LZTS1: variants seen among roughly 807,000 people sequenced by gnomAD.
LZTS1 encodes the protein leucine zipper putative tumor suppressor 1.
In LZTS1, 31 loss-of-function variants were observed where a neutral mutation model predicts 45.8. The ratio of observed to expected loss-of-function variants is 0.68; its 90% confidence interval spans 0.51 to 0.91. The LOEUF is 0.91. Ranked by LOEUF, LZTS1 falls within the 40% of genes least tolerant of loss-of-function variation. The pLI is 0.00. For synonymous variants in LZTS1, 359 were observed against 357.3 expected, an observed-to-expected ratio of 1.00 and a Z score of -0.05; for missense variants, 821 against 788.9, an observed-to-expected ratio of 1.04 and a Z score of -0.49.
Position 20,254,897 on chromosome 8 carries a change from C to T in LZTS1, c.285G>A (p.Gly95=). ...GGGGTGTGGACGGGTCAAAGTCCACCCCAGCCTGGCCCCCTAAATCCCCGC... is the reference window on the plus strand; with the variant it reads ...GGGGTGTGGACGGGTCAAAGTCCACTCCAGCCTGGCCCCCTAAATCCCCGC... ...LSSGDLGGQA[G]VDFDPSTPPK... The change falls in exon 2 of 4, where the codon GGG becomes GGA. Residue 95 remains glycine (G), a synonymous_variant. Coordinates refer to ENST00000381569, the MANE Select transcript of LZTS1 (RefSeq NM_021020.5). 2.5e-6 allele frequency: 4 copies of T among 1,614,150 alleles called. No individual in the cohort carries two copies. Among genetic ancestry groups the T allele is most frequent in the Non-Finnish European group, 3.4e-6 (4 of 1,180,038 alleles).
chr8:20,261,906 C>T (rs150199768), intron 1 of LZTS1, among the ~76,000 whole-genome samples: 236 of 152,358 alleles, frequency 1.5e-3, no homozygotes, highest in African/African-American at 5.0e-3. Flanking sequence ...TGCCTCCTCC[C>T]TCCCACTCAG....
intron 1 of LZTS1, among the ~76,000 whole-genome samples, chr8:20,257,801 C>A (rs557050480): frequency 6.1e-4 from 93 of 151,962 alleles, no homozygotes; most frequent in African/African-American, 2.1e-3. Context: ...TCCCACATAG[C>A]TGGGATTACA....
chr8:20,291,261 G>T (rs568633810), intron 1 of LZTS1, among the ~76,000 whole-genome samples: 1 of 152,102 alleles, frequency 6.6e-6, no homozygotes, highest in South Asian at 2.1e-4. Context: ...ACAGATAAGA[G>T]GGTAAGGAGG....
chr8:20,301,225 A>G (rs1240439766), intron 1 of LZTS1, among the ~76,000 whole-genome samples: 1 of 152,160 alleles, frequency 6.6e-6, no homozygotes, highest in East Asian at 1.9e-4. Context: ...TCTATGTTCA[A>G]AGGTAGCAGA....
intron 1 of LZTS1, among the ~76,000 whole-genome samples, chr8:20,270,651 G>C (rs1800453636): frequency 2.0e-5 from 3 of 152,128 alleles, no homozygotes; most frequent in Non-Finnish European, 4.4e-5. Context: ...AAAAGGCGCA[G>C]ACTCCTCCAG....
At chr8:20,258,488 A>T (rs1320437806) in intron 1 of LZTS1, among the ~76,000 whole-genome samples, 1 of 152,210 alleles carries the variant, frequency 6.6e-6, no homozygotes, top group Non-Finnish European at 1.5e-5. Flanking sequence ...AAGAATAAAG[A>T]GGTTATGTTA....
chr8:20,284,741 C>A (rs1329218171), intron 1 of LZTS1, among the ~76,000 whole-genome samples: 1 of 152,088 alleles, frequency 6.6e-6, no homozygotes, highest in Non-Finnish European at 1.5e-5. Context: ...GTAATGACAA[C>A]CCCCAAGGCA....
At chr8:20,257,317 G>A (rs142324523) in intron 1 of LZTS1, among the ~76,000 whole-genome samples, 4,184 of 152,204 alleles carry the variant, frequency 0.027, 85 homozygotes, top group Middle Eastern at 0.044. Flanking sequence ...CTGAGATCAC[G>A]CCACTGCACT....
chr8:20,263,352 G>A (rs1444729020), intron 1 of LZTS1, among the ~76,000 whole-genome samples: 1 of 149,970 alleles, frequency 6.7e-6, no homozygotes, highest in African/African-American at 2.5e-5. Context: ...TTTTTTTTGA[G>A]ACCTCTTAAG....
intron 1 of LZTS1, among the ~76,000 whole-genome samples, chr8:20,284,983 G>T (rs138416620): frequency 2.0e-5 from 3 of 152,112 alleles, no homozygotes; most frequent in African/African-American, 4.8e-5. Flanking sequence ...GGGAGAACTC[G>T]GCCGAGCCTC....
chr8:20,269,299 G>A (rs927466983), intron 1 of LZTS1, among the ~76,000 whole-genome samples: 3 of 152,104 alleles, frequency 2.0e-5, no homozygotes, highest in African/African-American at 7.2e-5. Context: ...CAGGGGAGTG[G>A]GTGCAATCTC....
At chr8:20,272,212 C>G (rs2128896088) in intron 1 of LZTS1, among the ~76,000 whole-genome samples, 1 of 152,282 alleles carries the variant, frequency 6.6e-6, no homozygotes, top group East Asian at 1.9e-4. Context: ...AGGTCATCTC[C>G]CACTATTTCA....
At chr8:20,292,588 G>A (rs1800918192) in intron 1 of LZTS1, among the ~76,000 whole-genome samples, 1 of 152,216 alleles carries the variant, frequency 6.6e-6, no homozygotes, top group Admixed American at 6.5e-5. Context: ...AGAGTGGTGA[G>A]AAAAATACAG....
At chr8:20,252,133 G>C (rs892085100) in intron 3 of LZTS1, among the ~76,000 whole-genome samples, 1 of 152,188 alleles carries the variant, frequency 6.6e-6, no homozygotes, top group Non-Finnish European at 1.5e-5. Context: ...AGATGCAGAG[G>C]TTATGGGGTT....
At chr8:20,286,119 T>TA (rs1355315620) in intron 1 of LZTS1, among the ~76,000 whole-genome samples, 12 of 152,152 alleles carry the variant, frequency 7.9e-5, no homozygotes, top group Non-Finnish European at 1.8e-4. Flanking sequence ...GCCAGGTCAT[T>TA]AAAAAAGCAC....
intron 1 of LZTS1, among the ~76,000 whole-genome samples, chr8:20,273,091 T>C (rs1206020796): frequency 6.6e-6 from 1 of 152,106 alleles, no homozygotes; most frequent in African/African-American, 2.4e-5. Context: ...AGAACTGCCC[T>C]CCGGGATGTT....
In LZTS1 at chr8:20,253,513, A is replaced by T; in HGVS notation, c.418T>A (p.Ser140Thr). The change falls in exon 3 of 4, where the codon TCC (serine) becomes ACC (threonine). Residue 140 changes from serine (S) to threonine (T), a missense_variant. By Grantham distance (58) the Ser-to-Thr change is moderately conservative. Coordinates refer to ENST00000381569, the MANE Select transcript of LZTS1 (RefSeq NM_021020.5). ...TGGTGGCTGGCACTCTCCGGGGAGG[A>T]GTGCAGGATGGCTCCTGACCGTGGC... Reference protein sequence around the residue: ...VLPRSGAILHSSPESASHQLH... With the variant: ...VLPRSGAILHTSPESASHQLH... The T allele has an allele frequency of 6.4e-7, 1 of 1,564,838 alleles. No individual in the cohort carries two copies. The highest frequency in any genetic ancestry group is 2.3e-5 in the East Asian group (1 of 43,576).
chr8:20,288,991 T>TTTG (rs1010598543), intron 1 of LZTS1, among the ~76,000 whole-genome samples: 5 of 150,038 alleles, frequency 3.3e-5, no homozygotes, highest in Non-Finnish European at 5.9e-5. Context: ...CAGCTGGTTT[T>TTTG]TTTTTTTTTT....
intron 2 of LZTS1, 125 bp downstream of exon 2, chr8:20,254,712 G>A (rs879024400): frequency 1.4e-4 from 110 of 766,850 alleles, no homozygotes; most frequent in African/African-American, 1.2e-3. Flanking sequence ...CACCCCTGCC[G>A]CTCTGGTTTT....
Sources: allele counts gnomAD v4.1 joint callset (sites outside exome capture counted in the v4.1 genomes callset), GRCh38; gene constraint gnomAD v4.1.1; transcripts MANE v1.5; gene names NCBI Gene and HGNC (gene_info 2026-07-23, HGNC 2026-07-21).